CCDC30: variants seen among roughly 807,000 people sequenced by gnomAD.
CCDC30 encodes the protein coiled-coil domain-containing protein 30.
In CCDC30, 70 loss-of-function variants were observed where a neutral mutation model predicts 100.2. That is an observed-to-expected ratio of 0.70 (90% CI 0.58 to 0.85). The LOEUF (loss-of-function observed/expected upper bound fraction) is 0.85. CCDC30 is among the 40% of genes least tolerant of loss of function. CCDC30 has a pLI of 0.00. For missense variants in CCDC30, 652 were observed against 771.2 expected (o/e 0.85, Z 1.83); for synonymous variants, 233 against 269.5 (o/e 0.86, Z 1.33).
rs368065552 is a variant in CCDC30 at position 42,476,638 on chromosome 1, G to A, written c.-91-3823G>A. Among the ~76,000 whole-genome samples, 87 of 151,350 alleles carry A rather than the reference G, an allele frequency of 5.7e-4. 1 individual carries two copies. Among genetic ancestry groups the A allele is most frequent in the African/African-American group, 1.7e-3 (69 of 41,238 alleles). On this transcript the variant is annotated intron_variant, in intron 1 of 16. Transcript: ENST00000668663. ...CTGGGAGGCAGAGGTTGTGGTGAGC[G>A]GAGATTGTGCCGTTGCACTCCAGCC...
At chr1:42,638,171 G>A (rs1647194817) in intron 12 of CCDC30, among the ~76,000 whole-genome samples, 1 of 152,148 alleles carries the variant, frequency 6.6e-6, no homozygotes, top group South Asian at 2.1e-4. Context: ...TATAATAGGT[G>A]GGTCACAAAT....
chr1:42,538,957 T>C (rs979565267), intron 6 of CCDC30, among the ~76,000 whole-genome samples: 1 of 152,202 alleles, frequency 6.6e-6, no homozygotes, highest in Admixed American at 6.5e-5. Flanking sequence ...TGATAGAAAC[T>C]AAGAATGCTC....
Position 42,522,680 on chromosome 1 carries a change from A to G in CCDC30, c.456+23764A>G, listed in dbSNP as rs114696338. Among the ~76,000 whole-genome samples, 1,197 of 152,326 alleles carry G rather than the reference A, an allele frequency of 7.9e-3. 20 individuals are homozygous for G. Among genetic ancestry groups the G allele is most frequent in the African/African-American group, 0.027 (1,119 of 41,570 alleles). On this transcript the variant is annotated intron_variant, in intron 6 of 16. Coordinates refer to ENST00000668663, the Ensembl canonical transcript of CCDC30. ...TGTCCCAAAATTACATCTTTGTACA[A>G]ATGTGTTTCCAAAAACATAAACTAA...
intron 6 of CCDC30, among the ~76,000 whole-genome samples, chr1:42,516,088 TTC>T (rs1312057669): frequency 6.6e-6 from 1 of 152,210 alleles, no homozygotes; most frequent in East Asian, 1.9e-4. Flanking sequence ...GATATGGAAA[TTC>T]TGTGTCTACT....
chr1:42,478,261 G>A (rs1392472537), intron 1 of CCDC30, among the ~76,000 whole-genome samples: 2 of 152,144 alleles, frequency 1.3e-5, no homozygotes, highest in African/African-American at 4.8e-5. Flanking sequence ...GGAAACTTAG[G>A]GGTAGTTTTG....
intron 11 of CCDC30, among the ~76,000 whole-genome samples, chr1:42,635,627 G>A (rs1647137248): frequency 6.6e-6 from 1 of 151,632 alleles, no homozygotes; most frequent in Non-Finnish European, 1.5e-5. Context: ...GACTAACACG[G>A]TGAAACCCCG....
intron 6 of CCDC30, among the ~76,000 whole-genome samples, chr1:42,565,397 A>G (rs1645583541): frequency 6.6e-6 from 1 of 152,252 alleles, no homozygotes; most frequent in Non-Finnish European, 1.5e-5. Context: ...AGACATTCTC[A>G]AAAGAAGATG....
At chr1:42,589,231 A>C (rs1646135632) in intron 9 of CCDC30, 90 bp from the exon 14 acceptor site, 1 of 1,084,328 alleles carries the variant, frequency 9.2e-7, no homozygotes, top group Non-Finnish European at 1.3e-6. Context: ...ACCAAAAAAA[A>C]AAAAAATCCC....
At chr1:42,566,029 T>C (rs1425928697) in intron 6 of CCDC30, among the ~76,000 whole-genome samples, 1 of 152,126 alleles carries the variant, frequency 6.6e-6, no homozygotes, top group East Asian at 1.9e-4. Flanking sequence ...ATCATTGATA[T>C]GAAAAATAAG....
At chr1:42,542,667 C>G (rs1645037612) in intron 6 of CCDC30, 1 of 138,622 alleles carries the variant, frequency 7.2e-6, no homozygotes, top group African/African-American at 2.6e-5. Flanking sequence ...TCTCCTGCCT[C>G]AGCCTCCCGA....
chr1:42,484,984 A>T, intron 3 of CCDC30, among the ~76,000 whole-genome samples: 1 of 152,174 alleles, frequency 6.6e-6, no homozygotes, highest in East Asian at 1.9e-4. Flanking sequence ...TAATAAAACA[A>T]TTTGAAATTT....
At chr1:42,464,373 G>T (rs1390713208) in intron 1 of CCDC30, among the ~76,000 whole-genome samples, 1 of 152,148 alleles carries the variant, frequency 6.6e-6, no homozygotes, top group African/African-American at 2.4e-5. Flanking sequence ...AATGTGAAAA[G>T]GGCATTCAAA....
intron 3 of CCDC30, among the ~76,000 whole-genome samples, chr1:42,488,318 T>C (rs1476631537): frequency 6.6e-6 from 1 of 152,098 alleles, no homozygotes; most frequent in East Asian, 1.9e-4. Flanking sequence ...AATTTTCTTT[T>C]TTTTCTTTCT....
chr1:42,490,825 C>G lies in CCDC30; in HGVS notation c.241+596C>G, dbSNP rs112094915. Among the ~76,000 whole-genome samples the G allele has an allele frequency of 7.6e-4, 115 of 152,230 alleles. 1 individual carries two copies. Among genetic ancestry groups the G allele is most frequent in the African/African-American group, 2.4e-3 (99 of 41,544 alleles). On this transcript the variant is annotated intron_variant, in intron 4 of 16. Coordinates refer to ENST00000668663, the Ensembl canonical transcript of CCDC30. ...TATTTGAATCTTTATATGTCTGACTCCCAAACCTGTGATCAATACAAATCA... is the reference window on the plus strand; with the variant it reads ...TATTTGAATCTTTATATGTCTGACTGCCAAACCTGTGATCAATACAAATCA...
intron 6 of CCDC30, among the ~76,000 whole-genome samples, chr1:42,505,274 A>G: frequency 6.6e-6 from 1 of 152,174 alleles, no homozygotes; most frequent in East Asian, 1.9e-4. Context: ...TTGCAGGATA[A>G]TTGGCCAGAA....
At chr1:42,461,569 C>T (rs149207033), upstream of CCDC30, among the ~76,000 whole-genome samples, 1,087 of 140,618 alleles carry the variant, frequency 7.7e-3, 16 homozygotes, top group African/African-American at 0.027. Context: ...TTTTTTTGAG[C>T]GGAGTCTTGC....
chr1:42,542,178 C>A (rs941835780), intron 6 of CCDC30, among the ~76,000 whole-genome samples: 3 of 152,188 alleles, frequency 2.0e-5, no homozygotes. Flanking sequence ...ATAGCCATGT[C>A]ATGGAGGGTC....
intron 7 of CCDC30, among the ~76,000 whole-genome samples, chr1:42,567,074 A>G (rs1044769795): frequency 3.3e-5 from 5 of 152,200 alleles, no homozygotes; most frequent in Non-Finnish European, 7.4e-5. Flanking sequence ...CTTAGTTTCT[A>G]TAAGCCTCTA....
At chr1:42,632,373 A>G (rs1447825678) in intron 11 of CCDC30, among the ~76,000 whole-genome samples, 2 of 152,136 alleles carry the variant, frequency 1.3e-5, no homozygotes, top group Non-Finnish European at 2.9e-5. Context: ...AGGCTGAGGC[A>G]GGAGAATTGC....
Sources: gnomAD v4.1 joint callset for allele counts (sites outside exome capture counted in the v4.1 genomes callset) on GRCh38, gnomAD v4.1.1 for gene constraint, MANE v1.5 for transcripts, NCBI Gene and HGNC (gene_info 2026-07-23, HGNC 2026-07-21) for gene names.